The following SYK variants were observed in gnomAD, a reference collection of about 807,000 sequenced individuals.
SYK encodes the protein tyrosine-protein kinase SYK.
SYK carries 16 observed loss-of-function variants against 77.8 expected under a neutral mutation model. The observed-to-expected ratio is 0.21, with a 90% CI of 0.14 to 0.31. The LOEUF is 0.31. Ranked by LOEUF, SYK falls within the 10% of genes least tolerant of loss-of-function variation. SYK has a pLI of 1.00. For synonymous variants in SYK, 312 were observed against 308.7 expected (o/e 1.01, Z -0.11); for missense variants, 529 against 814.4 (o/e 0.65, Z 4.26).
rs200019749 is a variant in SYK at position 90,862,168 on chromosome 9, C to T, written c.579-38C>T. The T allele has an allele frequency of 3.7e-4, 572 of 1,562,784 alleles. 2 individuals carry two copies. The highest frequency in any genetic ancestry group is 1.2e-3 in the East Asian group (51 of 43,548). On this transcript the variant is annotated intron_variant, in intron 3 of 13. Transcript: ENST00000375754. ...TCCCAGGGTCCCACCTGGAGACTGG[C>T]GGGCCTGGGGATGATGCAGTTCCAT...
In SYK at chr9:90,844,325, A is replaced by G. The variant is rs1312245671; in HGVS notation, c.417+10A>G. The G allele has an allele frequency of 6.3e-7, 1 of 1,587,166 alleles. No homozygotes were observed. On this transcript the variant is annotated intron_variant, in intron 2 of 13. Coordinates refer to ENST00000375754, the MANE Select transcript of SYK (RefSeq NM_003177.7). ...GACATGGAACCTGCAGGTGGGCCAC[A>G]GCTGGTCCTGCTCCCTGGGCCCAGG...
intron 7 of SYK, among the ~76,000 whole-genome samples, chr9:90,873,493 T>C (rs957842428): frequency 4.6e-5 from 7 of 151,604 alleles, no homozygotes; most frequent in African/African-American, 1.5e-4. Flanking sequence ...TGAGTAGATT[T>C]CCCCCCCCAG....
chr9:90,876,173 A>C (rs543599926), intron 9 of SYK, among the ~76,000 whole-genome samples: 6 of 151,886 alleles, frequency 4.0e-5, no homozygotes, highest in Non-Finnish European at 8.8e-5. Flanking sequence ...TGTAGTCCCA[A>C]CTACTTAGGA....
chr9:90,879,544 A>C (rs1044897789), intron 11 of SYK, among the ~76,000 whole-genome samples: 1 of 152,214 alleles, frequency 6.6e-6, no homozygotes, highest in Non-Finnish European at 1.5e-5. Context: ...CTACCTATAC[A>C]TGCAAAAGTT....
chr9:90,804,621 TG>T (rs1265997191), intron 1 of SYK, among the ~76,000 whole-genome samples: 1 of 152,190 alleles, frequency 6.6e-6, no homozygotes, highest in Non-Finnish European at 1.5e-5. Context: ...TTTAGGCCTT[TG>T]GGGAAGAATT....
At chr9:90,853,892 TAAAAA>T (rs902619625) in intron 3 of SYK, among the ~76,000 whole-genome samples, 7 of 150,396 alleles carry the variant, frequency 4.7e-5, no homozygotes, top group African/African-American at 9.8e-5. Flanking sequence ...TAAAATAAAA[TAAAAA>T]AGAAAAAAAA....
chr9:90,848,818 G>A (rs1826699834), intron 3 of SYK, among the ~76,000 whole-genome samples: 1 of 152,236 alleles, frequency 6.6e-6, no homozygotes, highest in South Asian at 2.1e-4. Flanking sequence ...CAATAGGAAA[G>A]AACTGCATTT....
intron 1 of SYK, among the ~76,000 whole-genome samples, chr9:90,804,968 T>C (rs1824759512): frequency 6.6e-6 from 1 of 150,514 alleles, no homozygotes; most frequent in Non-Finnish European, 1.5e-5. Context: ...TTTTTTTCCT[T>C]TATGAATCAA....
chr9:90,864,910 G>A (rs1052681388), intron 5 of SYK, 138 bp from the exon 6 acceptor site: 20 of 883,440 alleles, frequency 2.3e-5, no homozygotes, highest in Middle Eastern at 2.2e-4. Context: ...AAAGAGGGTC[G>A]AAAGAAGTAC....
At chr9:90,881,348 G>A (rs1828141557) in intron 11 of SYK, among the ~76,000 whole-genome samples, 1 of 152,176 alleles carries the variant, frequency 6.6e-6, no homozygotes, top group Non-Finnish European at 1.5e-5. Context: ...GGTAGTGGAA[G>A]ATTTCTGTAT....
At chr9:90,835,904 C>T (rs942902193) in intron 1 of SYK, among the ~76,000 whole-genome samples, 5 of 151,884 alleles carry the variant, frequency 3.3e-5, no homozygotes, top group Admixed American at 1.3e-4. Context: ...CACTTATATG[C>T]GGATTTTTTT....
chr9:90,811,138 C>T (rs1163569198), intron 1 of SYK, among the ~76,000 whole-genome samples: 1 of 152,078 alleles, frequency 6.6e-6, no homozygotes, highest in Non-Finnish European at 1.5e-5. Context: ...TATATTCACA[C>T]TCATCACAAG....
At chr9:90,834,730 G>T (rs536529596) in intron 1 of SYK, among the ~76,000 whole-genome samples, 2 of 152,322 alleles carry the variant, frequency 1.3e-5, no homozygotes, top group Non-Finnish European at 2.9e-5. Context: ...AGCTTTCTTA[G>T]AACATTATGA....
chr9:90,832,935 T>A (rs920256166), intron 1 of SYK, among the ~76,000 whole-genome samples: 1 of 152,186 alleles, frequency 6.6e-6, no homozygotes, highest in African/African-American at 2.4e-5. Flanking sequence ...TCTGAAGGCT[T>A]GATAGAGGCT....
At position 90,812,902 on chromosome 9, in the gene SYK, G is replaced by A. The variant is rs74767086; in HGVS notation, c.-42+11009G>A. ...AACTTTTGGAGGAAGGCTTTAGAGT[G>A]AGAATGTCAGTGCATTCTCAGCGTG... On this transcript the variant is annotated intron_variant, in intron 1 of 13. Transcript: ENST00000375754. Among the ~76,000 whole-genome samples, 891 of 152,222 alleles carry A rather than the reference G, an allele frequency of 5.9e-3. 7 individuals carry two copies. The highest frequency in any genetic ancestry group is 0.021 in the African/African-American group (862 of 41,518).
chr9:90,836,303 A>G (rs1025846901), intron 1 of SYK, among the ~76,000 whole-genome samples: 38 of 148,654 alleles, frequency 2.6e-4, no homozygotes, highest in African/African-American at 8.5e-4. Flanking sequence ...AAAAAAAAAA[A>G]GTTAAGAAAA....
At chr9:90,809,523 G>A (rs999114515) in intron 1 of SYK, among the ~76,000 whole-genome samples, 1 of 152,204 alleles carries the variant, frequency 6.6e-6, no homozygotes, top group East Asian at 1.9e-4. Flanking sequence ...CAGGCTCAGT[G>A]TCAGACATGC....
intron 1 of SYK, among the ~76,000 whole-genome samples, chr9:90,833,887 C>T (rs1825979515): frequency 6.6e-6 from 1 of 152,158 alleles, no homozygotes; most frequent in Admixed American, 6.5e-5. Flanking sequence ...TTAAATAAAA[C>T]ACATGGAAGA....
chr9:90,845,836 G>A (rs1826572829), intron 3 of SYK, among the ~76,000 whole-genome samples: 1 of 152,192 alleles, frequency 6.6e-6, no homozygotes, highest in African/African-American at 2.4e-5. Flanking sequence ...ACCGAGGGAT[G>A]TAATATTTAA....
Sources: gnomAD v4.1 joint callset for allele counts (sites outside exome capture counted in the v4.1 genomes callset) on GRCh38, gnomAD v4.1.1 for gene constraint, MANE v1.5 for transcripts, NCBI Gene and HGNC (gene_info 2026-07-23, HGNC 2026-07-21) for gene names.